MRAP2: variants seen among roughly 807,000 people sequenced by gnomAD.
MRAP2 encodes the protein melanocortin-2 receptor accessory protein 2.
MRAP2 carries 20 observed loss-of-function variants against 17.4 expected under a neutral mutation model. The ratio of observed to expected loss-of-function variants is 1.15; its 90% CI spans 0.81 to 1.67. MRAP2 has a LOEUF of 1.67. Ranked by LOEUF, MRAP2 falls within the 40% of genes most tolerant of loss-of-function variation. The pLI is 0.00. For synonymous variants in MRAP2, 96 were observed against 88.4 expected (o/e 1.09, Z -0.48); for missense variants, 238 against 240.0 (o/e 0.99, Z 0.05).
At chr6:84,134,814 C>T in the MRAP2 span, among the ~76,000 whole-genome samples, 5 of 151,998 alleles carry the variant, frequency 3.3e-5, no homozygotes, top group African/African-American at 9.7e-5. Flanking sequence ...GCCTCCCCCC[C>T]ACAGATTAAA....
intron 1 of MRAP2, among the ~76,000 whole-genome samples, chr6:84,043,210 A>G (rs989544821): frequency 2.6e-5 from 4 of 152,242 alleles, no homozygotes; most frequent in African/African-American, 7.2e-5. Context: ...TAAAATCTTT[A>G]AAGTTTTAAT....
chr6:84,113,189 G>A, the MRAP2 span, among the ~76,000 whole-genome samples: 1 of 152,172 alleles, frequency 6.6e-6, no homozygotes, highest in Non-Finnish European at 1.5e-5. Context: ...AATATTGACA[G>A]TAGGGTAAAG....
upstream of MRAP2, chr6:84,033,642 CCTCGCGCTGGGGAGGCGGCT>C (rs976599075): frequency 1.4e-3 from 1,323 of 977,972 alleles, 3 homozygotes; most frequent in Middle Eastern, 2.6e-3. Flanking sequence ...GCCAAGGCGG[CCTCGCGCTGGGGAGGCGGCT>C]CTCGCGCTGG....
chr6:84,114,498 G>A, the MRAP2 span, among the ~76,000 whole-genome samples: 1 of 151,964 alleles, frequency 6.6e-6, no homozygotes, highest in Non-Finnish European at 1.5e-5. Flanking sequence ...AAGGTTCTTA[G>A]CTTCCTTGCA....
the MRAP2 span, chr6:84,125,259 G>A: frequency 5.6e-6 from 9 of 1,613,204 alleles, no homozygotes; most frequent in Non-Finnish European, 7.6e-6. Context: ...CTACTACTTG[G>A]TGTGTTTGCT....
chr6:84,113,117 G>A, the MRAP2 span, among the ~76,000 whole-genome samples: 4 of 152,246 alleles, frequency 2.6e-5, no homozygotes, highest in African/African-American at 9.6e-5. Flanking sequence ...AGGTCCTCTT[G>A]GTCCAGAGCT....
Position 84,055,350 on chromosome 6 carries a change from C to T in MRAP2, c.32C>T (p.Thr11Ile), listed in dbSNP as rs1404018696. The T allele has an allele frequency of 6.2e-7, 1 of 1,613,760 alleles. No individual in the cohort carries two copies. Among genetic ancestry groups the T allele is most frequent in the Admixed American group, 1.7e-5 (1 of 59,890 alleles). MSAQRLISNR[T>I]SQQSASNSDY... ...GCCCAGAGGTTAATTTCTAACAGAA[C>T]CTCCCAGCAATCGGCATCTAATTCT... The change falls in exon 2 of 4, where the codon ACC becomes ATC. Residue 11 changes from threonine to isoleucine, a missense_variant. By Grantham distance (89) the Thr-to-Ile change is moderately conservative. Transcript: ENST00000257776.
At chr6:84,087,049 A>C (rs542262828) in intron 3 of MRAP2, among the ~76,000 whole-genome samples, 1 of 152,236 alleles carries the variant, frequency 6.6e-6, no homozygotes, top group South Asian at 2.1e-4. Flanking sequence ...TGAACCCCCA[A>C]AATCCGAGAG....
intron 3 of MRAP2, among the ~76,000 whole-genome samples, chr6:84,085,753 A>T (rs2099500285): frequency 6.6e-6 from 1 of 152,238 alleles, no homozygotes; most frequent in South Asian, 2.1e-4. Context: ...TCCAAGACAG[A>T]TTGTAAATGT....
intron 3 of MRAP2, among the ~76,000 whole-genome samples, chr6:84,079,161 T>C (rs1181653257): frequency 6.6e-6 from 1 of 152,170 alleles, no homozygotes; most frequent in African/African-American, 2.4e-5. Context: ...AACCCAAATG[T>C]CCTTCAGCAG....
the MRAP2 span, among the ~76,000 whole-genome samples, chr6:84,114,252 AT>A: frequency 6.6e-6 from 1 of 151,972 alleles, no homozygotes; most frequent in Admixed American, 6.6e-5. Flanking sequence ...ATAGTCCCAT[AT>A]TTCTTGGAGA....
chr6:84,034,568 C>T (rs1043265283), intron 1 of MRAP2, among the ~76,000 whole-genome samples: 3 of 146,228 alleles, frequency 2.1e-5, no homozygotes, highest in African/African-American at 7.6e-5. Flanking sequence ...TTGAGGAAGG[C>T]AAAGAGTAGT....
At chr6:84,087,696 C>T (rs2099500848) in intron 3 of MRAP2, among the ~76,000 whole-genome samples, 1 of 152,156 alleles carries the variant, frequency 6.6e-6, no homozygotes, top group South Asian at 2.1e-4. Context: ...ATTCTGAATA[C>T]CTGACATAGT....
the MRAP2 span, among the ~76,000 whole-genome samples, chr6:84,132,741 C>T: frequency 3.9e-5 from 6 of 152,098 alleles, no homozygotes; most frequent in African/African-American, 1.2e-4. Flanking sequence ...GCTAGCCATT[C>T]GTCTACTCTT....
At chr6:84,060,550 C>T (rs1174726732) in intron 2 of MRAP2, among the ~76,000 whole-genome samples, 1 of 152,190 alleles carries the variant, frequency 6.6e-6, no homozygotes, top group Non-Finnish European at 1.5e-5. Context: ...GCTATGCAGG[C>T]AGTTGATAAA....
intron 1 of MRAP2, among the ~76,000 whole-genome samples, chr6:84,041,518 A>T (rs2099487582): frequency 6.6e-6 from 1 of 152,162 alleles, no homozygotes; most frequent in African/African-American, 2.4e-5. Flanking sequence ...AGCCACAGAC[A>T]CTCAATGCCA....
intron 1 of MRAP2, chr6:84,052,948 G>T: frequency 4.4e-6 from 1 of 227,078 alleles, no homozygotes; most frequent in Non-Finnish European, 7.3e-6. Context: ...AATAGTGTAA[G>T]GGGGAGTAAA....
In MRAP2 at chr6:84,089,322, G is replaced by A; in HGVS notation, c.459G>A (p.Gln153=). 1 of 1,614,232 alleles carries A rather than the reference G, an allele frequency of 6.2e-7. No individual in the cohort carries two copies. The highest frequency in any genetic ancestry group is 8.5e-7 in the Non-Finnish European group (1 of 1,180,044). The part of the protein sequence containing the change: ...QLQEAIRSSG[Q]PEEELNRLMK... ...AGGAAGCCATCAGAAGCAGTGGGCA[G>A]CCAGAGGAGGAGCTGAACAGGCTCA... Residue 153 remains glutamine, a synonymous_variant, in exon 4 of 4, where the codon CAG becomes CAA. Transcript: ENST00000257776.
At chr6:84,082,007 T>G (rs1327023616) in intron 3 of MRAP2, among the ~76,000 whole-genome samples, 1 of 152,160 alleles carries the variant, frequency 6.6e-6, no homozygotes, top group Non-Finnish European at 1.5e-5. Context: ...TTACCCAGAC[T>G]CAGGTAGTTC....
Sources: gnomAD v4.1 joint callset for allele counts (sites outside exome capture counted in the v4.1 genomes callset) on GRCh38, gnomAD v4.1.1 for gene constraint, MANE v1.5 for transcripts, NCBI Gene and HGNC (gene_info 2026-07-23, HGNC 2026-07-21) for gene names.